DACH2: variants seen among roughly 807,000 people sequenced by gnomAD.
DACH2 encodes the protein dachshund homolog 2.
A neutral mutation model predicts 35.8 loss-of-function variants in DACH2; 17 were observed. The ratio of observed to expected loss-of-function variants is 0.48; its 90% CI spans 0.33 to 0.71. The LOEUF is 0.71. DACH2 is among the 30% of genes least tolerant of loss of function. DACH2 has a pLI of 0.02. For synonymous variants in DACH2, 195 were observed against 177.3 expected, an observed-to-expected ratio of 1.10 and a Z score of -0.79; for missense variants, 469 against 472.7, an observed-to-expected ratio of 0.99 and a Z score of 0.07.
intron 1 of DACH2, among the ~76,000 whole-genome samples, chrX:86,233,344 A>G (rs187544784): frequency 1.8e-5 from 2 of 112,102 alleles, no homozygotes; most frequent in Non-Finnish European, 3.8e-5. Flanking sequence ...CTAAAATACA[A>G]GTTAAAAAAG....
At chrX:86,424,701 G>T (rs2036863349) in intron 2 of DACH2, among the ~76,000 whole-genome samples, 1 of 111,141 alleles carries the variant, frequency 9.0e-6, no homozygotes, top group Admixed American at 9.6e-5. Flanking sequence ...CTCTAGCCAG[G>T]ACTTCCAGTA....
intron 2 of DACH2, among the ~76,000 whole-genome samples, chrX:86,431,584 C>A (rs904084951): frequency 2.9e-4 from 32 of 111,291 alleles, no homozygotes; most frequent in Non-Finnish European, 4.9e-4. Flanking sequence ...ATGCATGTGT[C>A]CGAATGGCAT....
chrX:86,400,271 T>C (rs1341909748), intron 2 of DACH2, among the ~76,000 whole-genome samples: 1 of 111,489 alleles, frequency 9.0e-6, no homozygotes, highest in African/African-American at 3.3e-5. Flanking sequence ...TTATTCTAGT[T>C]ATCCATTCGT....
chrX:86,401,819 T>A (rs749461951), intron 2 of DACH2, among the ~76,000 whole-genome samples: 1 of 109,598 alleles, frequency 9.1e-6, no homozygotes, highest in Non-Finnish European at 1.9e-5. Flanking sequence ...TGGCAGCACA[T>A]CAAAAAGTTA....
chrX:86,486,797 G>T, intron 2 of DACH2, among the ~76,000 whole-genome samples: 1 of 111,942 alleles, frequency 8.9e-6, no homozygotes, highest in Non-Finnish European at 1.9e-5. Flanking sequence ...TTAAAATAGG[G>T]ATAGTAGTAC....
intron 1 of DACH2, chrX:86,305,234 A>G (rs1247047633): frequency 1.8e-5 from 2 of 112,976 alleles, no homozygotes; most frequent in African/African-American, 6.5e-5. Context: ...ATGTTCACCA[A>G]TGTCCCAGTT....
At chrX:86,744,458 T>A (rs1248091382) in intron 7 of DACH2, among the ~76,000 whole-genome samples, 1 of 111,769 alleles carries the variant, frequency 8.9e-6, no homozygotes, top group Non-Finnish European at 1.9e-5. Context: ...GTAAGCAGTT[T>A]ATACAACTGT....
intron 4 of DACH2, among the ~76,000 whole-genome samples, chrX:86,682,705 A>C (rs755777740): frequency 6.1e-4 from 68 of 111,918 alleles, no homozygotes; most frequent in African/African-American, 2.0e-3. Context: ...TACAAGTGAA[A>C]GATCCATTCC....
At chrX:86,561,792 C>T (rs1485395809) in intron 3 of DACH2, among the ~76,000 whole-genome samples, 1 of 62,099 alleles carries the variant, frequency 1.6e-5, no homozygotes, top group Non-Finnish European at 2.9e-5. Context: ...GGAGATATAC[C>T]TAATGCTAGA....
intron 4 of DACH2, among the ~76,000 whole-genome samples, chrX:86,679,822 T>C (rs2040861002): frequency 9.0e-6 from 1 of 111,149 alleles, no homozygotes; most frequent in African/African-American, 3.3e-5. Context: ...ATATTTAACC[T>C]TTCCTCCTTA....
intron 2 of DACH2, among the ~76,000 whole-genome samples, chrX:86,483,184 A>G (rs958652968): frequency 9.1e-6 from 1 of 109,813 alleles, no homozygotes; most frequent in African/African-American, 3.3e-5. Context: ...AAAGAGAGGA[A>G]GTGATTGTGT....
At chrX:86,243,100 C>G (rs1015173074) in intron 1 of DACH2, among the ~76,000 whole-genome samples, 23 of 111,596 alleles carry the variant, frequency 2.1e-4, no homozygotes, top group African/African-American at 7.2e-4. Flanking sequence ...TATTATTTTA[C>G]TTCTTGTTCT....
intron 4 of DACH2, among the ~76,000 whole-genome samples, chrX:86,693,650 A>G (rs902547434): frequency 8.9e-6 from 1 of 112,573 alleles, no homozygotes; most frequent in Non-Finnish European, 1.9e-5. Context: ...TTTCCCTGAA[A>G]AGTTTACAAC....
At chrX:86,600,232 A>G (rs750785184) in intron 3 of DACH2, among the ~76,000 whole-genome samples, 1 of 112,013 alleles carries the variant, frequency 8.9e-6, no homozygotes, top group Admixed American at 9.4e-5. Flanking sequence ...TTCTTTTGCT[A>G]TATGCAATTT....
intron 1 of DACH2, among the ~76,000 whole-genome samples, chrX:86,237,572 A>G (rs915260916): frequency 1.8e-5 from 2 of 110,944 alleles, no homozygotes; most frequent in Admixed American, 9.6e-5. Flanking sequence ...CCGAGTTTTT[A>G]CTTGAGCCCA....
chrX:86,651,027 T>C lies in DACH2; in HGVS notation c.641-9T>C, dbSNP rs2148406462. ...ATAAATAAATGGAATGGAATAATTC[T>C]GCTTTTAGGTATAACAGCTGCAGCG... On this transcript the variant is annotated splice_polypyrimidine_tract_variant and intron_variant, in intron 3 of 11. Coordinates refer to ENST00000373125, the MANE Select transcript of DACH2 (RefSeq NM_053281.3). 1 of 1,188,559 alleles carries C rather than the reference T, an allele frequency of 8.4e-7. No homozygotes were observed. Among genetic ancestry groups the C allele is most frequent in the East Asian group, 3.1e-5 (1 of 32,521 alleles).
rs777273009 is a variant in DACH2, at chrX:86,160,390, CAT to C, written c.488+11283_488+11284del. The C allele has an allele frequency of 3.0e-4, 188 of 624,756 alleles. 1 individual carries two copies. The highest frequency in any genetic ancestry group is 4.8e-4 in the Middle Eastern group (1 of 2,064). The allele number at this position is 624,756 out of a possible 1,213,427, so 51.5% of individuals were successfully genotyped here. A position where few individuals can be genotyped will look rare whatever the true frequency, so the allele number is the denominator to read the frequency against. ...GATAGTCTGAGAAGCTCTCAATACA[CAT>C]GAGGTTGCCAGGAACCATATCAATG... is the stretch of plus-strand genomic sequence containing the variant. On this transcript the variant is annotated intron_variant, in intron 1 of 11. Coordinates refer to ENST00000373125, the MANE Select transcript of DACH2 (RefSeq NM_053281.3).
At chrX:86,620,864 C>T (rs758831352) in intron 3 of DACH2, among the ~76,000 whole-genome samples, 6 of 109,815 alleles carry the variant, frequency 5.5e-5, no homozygotes, top group South Asian at 3.9e-4. Context: ...CAAGTAGATT[C>T]GAGAGGATCT....
intron 1 of DACH2, among the ~76,000 whole-genome samples, chrX:86,337,765 G>A (rs2035339081): frequency 9.0e-6 from 1 of 111,685 alleles, no homozygotes; most frequent in Non-Finnish European, 1.9e-5. Context: ...GTCATAGACT[G>A]GCAAATTGGA....
Sources: allele counts gnomAD v4.1 joint callset (sites outside exome capture counted in the v4.1 genomes callset), GRCh38; gene constraint gnomAD v4.1.1; transcripts MANE v1.5; gene names NCBI Gene and HGNC (gene_info 2026-07-23, HGNC 2026-07-21).